The following SNX29 variants were observed in gnomAD, a reference collection of about 807,000 sequenced individuals.
SNX29 encodes the protein sorting nexin-29.
A neutral mutation model predicts 102.1 loss-of-function variants in SNX29; 78 were observed. That is an observed-to-expected ratio of 0.76 (90% CI 0.64 to 0.92). The LOEUF is 0.92. Among genes scored for constraint, SNX29 ranks in the 40% least tolerant of loss-of-function variants. The pLI, the probability that SNX29 is intolerant of heterozygous loss-of-function variation, is 0.00. For synonymous variants in SNX29, 580 were observed against 414.5 expected (o/e 1.40, Z -4.85); for missense variants, 1,280 against 1,061.7 (o/e 1.21, Z -2.86).
intron 18 of SNX29, among the ~76,000 whole-genome samples, chr16:12,437,330 T>C (rs2085581988): frequency 6.6e-6 from 1 of 152,202 alleles, no homozygotes; most frequent in Non-Finnish European, 1.5e-5. Flanking sequence ...TGCTCTCAGC[T>C]CAGGATGGAG....
At chr16:12,443,240 A>T (rs1010347751) in intron 18 of SNX29, 4 of 317,694 alleles carry the variant, frequency 1.3e-5, no homozygotes, top group Non-Finnish European at 2.5e-5. Flanking sequence ...GAGACATCAG[A>T]GCAGGGTCAC....
At chr16:12,109,127 CAAAAAAAAAAAA>C (rs71139575) in intron 11 of SNX29, among the ~76,000 whole-genome samples, 1 of 33,308 alleles carries the variant, frequency 3.0e-5, no homozygotes, top group South Asian at 1.3e-3. Context: ...GGCGCTGTCT[CAAAAAAAAAAAA>C]AAAAAAAAAA....
chr16:12,161,102 C>T (rs2055766082), intron 13 of SNX29, among the ~76,000 whole-genome samples: 1 of 152,194 alleles, frequency 6.6e-6, no homozygotes, highest in African/African-American at 2.4e-5. Context: ...TCACCTCCCT[C>T]TATCAGTCCC....
chr16:12,045,876 G>T (rs371911060), intron 5 of SNX29, among the ~76,000 whole-genome samples: 3 of 151,966 alleles, frequency 2.0e-5, no homozygotes, highest in East Asian at 3.9e-4. Flanking sequence ...CCTCCCCCCT[G>T]GCCTCCTAAA....
intron 20 of SNX29, among the ~76,000 whole-genome samples, chr16:12,553,822 G>C (rs968059683): frequency 6.6e-6 from 1 of 151,918 alleles, no homozygotes; most frequent in African/African-American, 2.4e-5. Flanking sequence ...TCCTGACCTT[G>C]TGATCCACCC....
chr16:12,393,935 C>T (rs1181750134), intron 16 of SNX29, among the ~76,000 whole-genome samples: 1 of 152,220 alleles, frequency 6.6e-6, no homozygotes, highest in African/African-American at 2.4e-5. Flanking sequence ...CAAGTGACTT[C>T]TCACATCATC....
intron 4 of SNX29, among the ~76,000 whole-genome samples, chr16:12,041,893 A>AT (rs939034927): frequency 1.2e-4 from 19 of 152,310 alleles, no homozygotes; most frequent in African/African-American, 4.6e-4. Flanking sequence ...GCAAATGTTG[A>AT]TTTTTTTATA....
At chr16:12,456,982 AG>A (rs1299554965) in intron 18 of SNX29, among the ~76,000 whole-genome samples, 3 of 152,162 alleles carry the variant, frequency 2.0e-5, no homozygotes, top group Non-Finnish European at 4.4e-5. Context: ...TTGCATTGAC[AG>A]AGTTGATTGT....
intron 14 of SNX29, among the ~76,000 whole-genome samples, chr16:12,237,519 C>T (rs573057786): frequency 1.3e-5 from 2 of 152,280 alleles, no homozygotes; most frequent in East Asian, 3.9e-4. Context: ...GCCTGTAATC[C>T]CAGCACTTTG....
rs1249420541 is a variant in SNX29 at position 12,058,495 on chromosome 16, G to GTTTTTTTTTTTTTTT, written c.1125-3031_1125-3017dup. On this transcript the variant is annotated intron_variant, in intron 8 of 20. Coordinates refer to ENST00000566228, the MANE Select transcript of SNX29 (RefSeq NM_032167.5). ...CTGGTGTTTTTTTTTTTGGTTTTTG[G>GTTTTTTTTTTTTTTT]TTTTTTTTTTTTTTTTGAGATGGAG... is the stretch of plus-strand genomic sequence containing the variant. Among the ~76,000 whole-genome samples, 8 of 106,506 alleles carry GTTTTTTTTTTTTTTT rather than the reference G, an allele frequency of 7.5e-5. 1 individual carries two copies. The highest frequency in any genetic ancestry group is 2.5e-4 in the East Asian group (1 of 3,974). The allele number at this position is 106,506 out of a possible 152,430, so 69.9% of individuals were successfully genotyped here.
At chr16:11,983,120 T>G (rs999726515) in intron 1 of SNX29, among the ~76,000 whole-genome samples, 1 of 151,818 alleles carries the variant, frequency 6.6e-6, no homozygotes, top group Non-Finnish European at 1.5e-5. Context: ...TTAGCAGAGA[T>G]GGGTTTTGCC....
At chr16:12,566,870 C>T (rs551900144) in intron 20 of SNX29, among the ~76,000 whole-genome samples, 43 of 152,310 alleles carry the variant, frequency 2.8e-4, no homozygotes, top group African/African-American at 9.9e-4. Context: ...GCACAGAAGG[C>T]AAAGCAACAA....
At chr16:12,480,786 G>A (rs1001633608) in intron 19 of SNX29, among the ~76,000 whole-genome samples, 5 of 152,208 alleles carry the variant, frequency 3.3e-5, no homozygotes, top group African/African-American at 1.2e-4. Flanking sequence ...AGGAGTGGGA[G>A]GGTTTTTCTG....
rs950007190 is a variant in SNX29 at position 12,308,201 on chromosome 16, C to CGGCA, written c.1782+30174_1782+30177dup. On this transcript the variant is annotated intron_variant, in intron 15 of 20. Coordinates refer to ENST00000566228, the MANE Select transcript of SNX29 (RefSeq NM_032167.5). ...GCACCTCGCTGGTGGTGCTGACACC[C>CGGCA]GGCAGGCAGGCACATTTATGCCTAC... 7.2e-5 allele frequency among the ~76,000 whole-genome samples: 11 copies of CGGCA among 152,328 alleles called. No homozygotes were observed. In the South Asian group the frequency reaches 8.3e-4, roughly 11 times the overall value.
chr16:12,075,037 T>C (rs1446136017), intron 10 of SNX29, among the ~76,000 whole-genome samples: 1 of 152,216 alleles, frequency 6.6e-6, no homozygotes, highest in Non-Finnish European at 1.5e-5. Flanking sequence ...AGCACTTCTC[T>C]ATATTGGTTA....
intron 1 of SNX29, among the ~76,000 whole-genome samples, chr16:11,992,172 T>C (rs1228275364): frequency 6.6e-6 from 1 of 152,058 alleles, no homozygotes; most frequent in Non-Finnish European, 1.5e-5. Context: ...TGCATGCCTG[T>C]AGTCCCAGCT....
At chr16:12,564,673 C>CACA (rs1489106096) in intron 20 of SNX29, among the ~76,000 whole-genome samples, 9 of 152,212 alleles carry the variant, frequency 5.9e-5, no homozygotes, top group Non-Finnish European at 1.2e-4. Flanking sequence ...ATCTTGTCCA[C>CACA]ACATTCCTCT....
At chr16:12,546,736 T>C (rs765891094) in intron 20 of SNX29, 1 of 151,758 alleles carries the variant, frequency 6.6e-6, no homozygotes. Flanking sequence ...ACTAAGAAGA[T>C]AGGAGAAAAT....
chr16:12,190,711 C>T (rs2076620634), intron 13 of SNX29, among the ~76,000 whole-genome samples: 1 of 152,042 alleles, frequency 6.6e-6, no homozygotes, highest in African/African-American at 2.4e-5. Context: ...AGGTCTGAGG[C>T]TGTATTAGGT....
Sources: gnomAD v4.1 joint callset for allele counts (sites outside exome capture counted in the v4.1 genomes callset) on GRCh38, gnomAD v4.1.1 for gene constraint, MANE v1.5 for transcripts, NCBI Gene and HGNC (gene_info 2026-07-23, HGNC 2026-07-21) for gene names.